PCDH7: variants seen among roughly 807,000 people sequenced by gnomAD.
PCDH7 encodes protocadherin-7.
Under a neutral mutation model 58.9 loss-of-function variants are expected in PCDH7, and 17 were observed. The observed-to-expected ratio is 0.29, with a 90% CI of 0.20 to 0.43. The LOEUF is 0.43. Among genes scored for constraint, PCDH7 ranks in the 20% least tolerant of loss-of-function variants. The pLI is 1.00. For missense variants in PCDH7, 1,274 were observed against 1,441.0 expected (o/e 0.88, Z 1.88); for synonymous variants, 664 against 616.4 (o/e 1.08, Z -1.14).
At chr4:30,856,373 T>A (rs936936215) in intron 1 of PCDH7, among the ~76,000 whole-genome samples, 2 of 152,062 alleles carry the variant, frequency 1.3e-5, no homozygotes, top group Non-Finnish European at 2.9e-5. Context: ...AACTAACTTT[T>A]CATAATAGAA....
At chr4:31,111,567 C>G (rs548296714) in intron 3 of PCDH7, among the ~76,000 whole-genome samples, 1 of 152,146 alleles carries the variant, frequency 6.6e-6, no homozygotes, top group African/African-American at 2.4e-5. Context: ...ATCTCGGCCT[C>G]CCACAAATTT....
intron 2 of PCDH7, among the ~76,000 whole-genome samples, chr4:30,938,122 T>C (rs946955648): frequency 3.9e-5 from 6 of 152,126 alleles, no homozygotes; most frequent in Admixed American, 2.6e-4. Context: ...GTAATATAGC[T>C]ACATGGAGAG....
At position 30,722,577 on chromosome 4, in the gene PCDH7, C is replaced by A; in HGVS notation, c.1155C>A (p.Val385=). 6.2e-7 allele frequency: 1 copy of A among 1,612,924 alleles called. No homozygotes were observed. The highest frequency in any genetic ancestry group is 2.2e-5 in the East Asian group (1 of 44,852). ...AGGTGAACCAGCTGCGCTTCACGGT[C>A]ATGGCCCGCGACCGCGGGCAGCCCC... is the stretch of plus-strand genomic sequence containing the variant. The change falls in exon 1 of 2, where the codon GTC becomes GTA. Residue 385 remains valine (V), a synonymous_variant. Coordinates refer to ENST00000361762, the Ensembl canonical transcript of PCDH7. The surrounding 1 kb of genome is among the most constrained non-coding windows in gnomAD (Gnocchi z 7.6).
At chr4:30,873,134 C>G (rs930975485) in intron 1 of PCDH7, among the ~76,000 whole-genome samples, 1 of 152,034 alleles carries the variant, frequency 6.6e-6, no homozygotes, top group Non-Finnish European at 1.5e-5. Flanking sequence ...AGAACAGTTT[C>G]TCTTTTATTA....
downstream of PCDH7, among the ~76,000 whole-genome samples, chr4:30,734,431 A>G (rs1463808676): frequency 1.3e-5 from 2 of 152,022 alleles, no homozygotes; most frequent in African/African-American, 2.4e-5. Context: ...ATGCAGTTTC[A>G]CCATTTCGGT....
intron 3 of PCDH7, among the ~76,000 whole-genome samples, chr4:31,133,617 C>T (rs1423746568): frequency 1.3e-5 from 2 of 152,192 alleles, no homozygotes; most frequent in East Asian, 1.9e-4. Context: ...CCGCTGCTGT[C>T]TCTAACTCCG....
chr4:30,830,957 TTCTC>T (rs1189670972), intron 1 of PCDH7, among the ~76,000 whole-genome samples: 1 of 152,278 alleles, frequency 6.6e-6, no homozygotes, highest in African/African-American at 2.4e-5. Flanking sequence ...AATGTTGGAC[TTCTC>T]TCTATTTGAT....
At chr4:30,868,624 A>G (rs574142223) in intron 1 of PCDH7, among the ~76,000 whole-genome samples, 1 of 149,340 alleles carries the variant, frequency 6.7e-6, no homozygotes, top group East Asian at 1.9e-4. Context: ...TCTCTGATGG[A>G]AAAAAAAATC....
chr4:30,812,201 A>G (rs981985282), intron 1 of PCDH7, among the ~76,000 whole-genome samples: 9 of 152,184 alleles, frequency 5.9e-5, no homozygotes, highest in Non-Finnish European at 1.5e-5. Flanking sequence ...ATAACTCTTG[A>G]TGTTCTAGTC....
intron 3 of PCDH7, among the ~76,000 whole-genome samples, chr4:30,985,740 A>T (rs1221558433): frequency 6.6e-6 from 1 of 152,192 alleles, no homozygotes; most frequent in East Asian, 1.9e-4. Context: ...CCAATTTTTG[A>T]ACGTTTAAAC....
intron 1 of PCDH7, among the ~76,000 whole-genome samples, chr4:30,831,772 G>A (rs1017636256): frequency 3.3e-5 from 5 of 152,030 alleles, no homozygotes; most frequent in Admixed American, 2.0e-4. Flanking sequence ...AATCTCATCT[G>A]TAAAATGGGC....
At chr4:30,982,837 G>T (rs913391071) in intron 3 of PCDH7, among the ~76,000 whole-genome samples, 5 of 152,092 alleles carry the variant, frequency 3.3e-5, no homozygotes, top group African/African-American at 1.2e-4. Flanking sequence ...ACTTCTGATA[G>T]TACCTAGAGA....
chr4:30,766,170 G>A (rs1445385927), intron 1 of PCDH7, among the ~76,000 whole-genome samples: 1 of 151,802 alleles, frequency 6.6e-6, no homozygotes, highest in Non-Finnish European at 1.5e-5. Context: ...AAATGTCACT[G>A]TGTTATAAGT....
At chr4:30,829,339 T>C (rs1464986572) in intron 1 of PCDH7, among the ~76,000 whole-genome samples, 1 of 152,048 alleles carries the variant, frequency 6.6e-6, no homozygotes, top group Non-Finnish European at 1.5e-5. Flanking sequence ...ATATAGAAAA[T>C]TGTTTGTTTA....
chr4:30,979,340 GA>G (rs911946662), intron 3 of PCDH7, among the ~76,000 whole-genome samples: 3 of 130,068 alleles, frequency 2.3e-5, no homozygotes, highest in African/African-American at 1.1e-4. Flanking sequence ...AAAAAAAAAA[GA>G]AAAAAAAGAA....
chr4:31,124,829 G>T (rs1292807768), intron 3 of PCDH7, among the ~76,000 whole-genome samples: 1 of 152,052 alleles, frequency 6.6e-6, no homozygotes, highest in Non-Finnish European at 1.5e-5. Flanking sequence ...TTGATGCTTT[G>T]TTTGCCAGAA....
chr4:30,987,821 G>T (rs965422443), intron 3 of PCDH7: 37 of 151,690 alleles, frequency 2.4e-4, no homozygotes, highest in African/African-American at 9.0e-4. Context: ...TAAAATATTG[G>T]TGCATAGTCA....
chr4:30,744,634 G>A (rs905836008), intron 1 of PCDH7, among the ~76,000 whole-genome samples: 1 of 152,154 alleles, frequency 6.6e-6, no homozygotes, highest in Non-Finnish European at 1.5e-5. Context: ...TCCTAGAAAG[G>A]ATGACACTTG....
chr4:30,880,660 T>G (rs143116545), intron 1 of PCDH7, among the ~76,000 whole-genome samples: 1 of 152,316 alleles, frequency 6.6e-6, no homozygotes, highest in Non-Finnish European at 1.5e-5. Flanking sequence ...ACTGTCCTAT[T>G]TATTTCTTTA....
Sources: allele counts gnomAD v4.1 joint callset (sites outside exome capture counted in the v4.1 genomes callset), GRCh38; gene constraint gnomAD v4.1.1; non-coding constraint Gnocchi (gnomAD v3.1); transcripts MANE v1.5; gene names NCBI Gene and HGNC (gene_info 2026-07-23, HGNC 2026-07-21).